GRM7: variants seen among roughly 807,000 people sequenced by gnomAD.
The protein encoded by GRM7 is glutamate metabotropic receptor 7.
In GRM7, 35 loss-of-function variants were observed where a neutral mutation model predicts 84.5. That is an observed-to-expected ratio of 0.41 (90% CI 0.32 to 0.55). The LOEUF (loss-of-function observed/expected upper bound fraction) is 0.55. Ranked by LOEUF, GRM7 falls within the 20% of genes least tolerant of loss-of-function variation. The probability of loss-of-function intolerance (pLI) is 0.19; values close to 1 mark genes in which losing one functional copy is unlikely to be tolerated. For missense variants in GRM7, 1,003 were observed against 1,194.6 expected, an observed-to-expected ratio of 0.84 and a Z score of 2.36; for synonymous variants, 487 against 455.1, an observed-to-expected ratio of 1.07 and a Z score of -0.89.
chr3:7,655,679 A>G (rs1226659055), intron 8 of GRM7, among the ~76,000 whole-genome samples: 1 of 152,140 alleles, frequency 6.6e-6, no homozygotes, highest in Non-Finnish European at 1.5e-5. Context: ...CCACCTTCAC[A>G]TAGGTTTGTC....
intron 1 of GRM7, among the ~76,000 whole-genome samples, chr3:7,128,265 A>T (rs1465421024): frequency 6.6e-6 from 1 of 151,774 alleles, no homozygotes; most frequent in East Asian, 1.9e-4. Context: ...TTTGCTTGAT[A>T]TTTTAGCTGG....
intron 7 of GRM7, among the ~76,000 whole-genome samples, chr3:7,554,270 C>A (rs1361462327): frequency 6.6e-6 from 1 of 152,166 alleles, no homozygotes; most frequent in East Asian, 1.9e-4. Flanking sequence ...TTTAAAGTAG[C>A]CACATCACAC....
At chr3:7,503,714 A>G (rs1173285350) in intron 7 of GRM7, among the ~76,000 whole-genome samples, 2 of 152,114 alleles carry the variant, frequency 1.3e-5, no homozygotes, top group Non-Finnish European at 2.9e-5. Context: ...TTGTTTTTTA[A>G]ATCCTCTGAA....
rs558549128 is a variant in GRM7 at position 7,632,423 on chromosome 3, G to A, written c.2452-47626G>A. ...TAAAGGAATAAAGAATAATGTTGAA[G>A]AGCCCCATCAATATGGGGAAATTAA... On this transcript the variant is annotated intron_variant, in intron 8 of 9. Transcript: ENST00000357716. 5.9e-5 allele frequency among the ~76,000 whole-genome samples: 9 copies of A among 152,270 alleles called. No individual in the cohort carries two copies. The East Asian group carries it at 1.7e-3, about 29-fold the overall frequency.
chr3:7,451,835 G>T (rs1450095), intron 5 of GRM7: 54,373 of 152,118 alleles, frequency 0.36, 11,067 homozygotes, highest in Non-Finnish European at 0.48. Flanking sequence ...TATCTACTGT[G>T]ACCAGTGAAA....
chr3:7,678,230 A>G (rs921906055), intron 8 of GRM7, among the ~76,000 whole-genome samples: 76 of 152,330 alleles, frequency 5.0e-4, no homozygotes, highest in African/African-American at 1.7e-3. Context: ...TGAAAAAAGA[A>G]AACATATGTG....
intron 5 of GRM7, among the ~76,000 whole-genome samples, chr3:7,447,620 G>C (rs923043069): frequency 2.0e-5 from 3 of 152,096 alleles, no homozygotes; most frequent in African/African-American, 7.2e-5. Flanking sequence ...AATGACTGGA[G>C]TAGTTGCGGG....
At chr3:7,562,422 G>C (rs1352672463) in intron 7 of GRM7, among the ~76,000 whole-genome samples, 1 of 151,872 alleles carries the variant, frequency 6.6e-6, no homozygotes, top group East Asian at 1.9e-4. Context: ...CAAATATAGA[G>C]TCATATTTGG....
chr3:7,355,963 T>C (rs1445182563), intron 4 of GRM7, among the ~76,000 whole-genome samples: 1 of 152,100 alleles, frequency 6.6e-6, no homozygotes, highest in Non-Finnish European at 1.5e-5. Context: ...CACCCAGAAG[T>C]CAACGCTGCA....
At chr3:6,978,760 A>T (rs1694091154) in intron 1 of GRM7, among the ~76,000 whole-genome samples, 1 of 152,162 alleles carries the variant, frequency 6.6e-6, no homozygotes, top group Non-Finnish European at 1.5e-5. Context: ...CCTAATTAAA[A>T]ATAATGGAGA....
intron 1 of GRM7, among the ~76,000 whole-genome samples, chr3:7,049,894 C>T (rs548872489): frequency 1.3e-4 from 20 of 151,856 alleles, no homozygotes; most frequent in Non-Finnish European, 1.9e-4. Context: ...ACTCAAGGAA[C>T]TGGAACCTAG....
intron 1 of GRM7, among the ~76,000 whole-genome samples, chr3:6,970,065 C>A (rs1693683208): frequency 6.6e-6 from 1 of 152,166 alleles, no homozygotes; most frequent in Non-Finnish European, 1.5e-5. Flanking sequence ...GTGAACTGGG[C>A]CAGAGGGTAC....
chr3:7,189,149 G>A (rs891429766), intron 2 of GRM7, among the ~76,000 whole-genome samples: 1 of 152,076 alleles, frequency 6.6e-6, no homozygotes, highest in Non-Finnish European at 1.5e-5. Context: ...TATATATTGA[G>A]ATACAAATGT....
intron 1 of GRM7, among the ~76,000 whole-genome samples, chr3:6,944,073 T>C (rs1697978256): frequency 6.6e-6 from 1 of 152,090 alleles, no homozygotes; most frequent in Non-Finnish European, 1.5e-5. Flanking sequence ...TTATAAACTT[T>C]TTTTGTGAAT....
At chr3:7,681,466 T>C (rs554559605) in intron 9 of GRM7, 1 of 152,382 alleles carries the variant, frequency 6.6e-6, no homozygotes, top group South Asian at 2.1e-4. Flanking sequence ...GGCCTGTCTC[T>C]ATTTATGAAT....
chr3:7,169,197 A>AT (rs202158956), intron 2 of GRM7, among the ~76,000 whole-genome samples: 165 of 151,060 alleles, frequency 1.1e-3, no homozygotes, highest in Non-Finnish European at 1.8e-3. Context: ...ATAGGGGTGC[A>AT]TTTTTTTTTG....
intron 7 of GRM7, among the ~76,000 whole-genome samples, chr3:7,467,457 G>C (rs1005445749): frequency 4.6e-5 from 7 of 152,120 alleles, no homozygotes; most frequent in African/African-American, 1.7e-4. Flanking sequence ...AAGTAATTCA[G>C]TTTAAGCCAA....
At chr3:7,077,700 A>G (rs1698142581) in intron 1 of GRM7, among the ~76,000 whole-genome samples, 3 of 152,190 alleles carry the variant, frequency 2.0e-5, no homozygotes, top group South Asian at 2.1e-4. Context: ...CTGCACATGT[A>G]CCCCAGAACT....
chr3:7,717,825 C>T (rs959631504), intron 9 of GRM7, among the ~76,000 whole-genome samples: 3 of 152,182 alleles, frequency 2.0e-5, no homozygotes, highest in Non-Finnish European at 4.4e-5. Flanking sequence ...TATGGACAAA[C>T]TCTGTTCTCT....
Sources: allele counts gnomAD v4.1 joint callset (sites outside exome capture counted in the v4.1 genomes callset), GRCh38; gene constraint gnomAD v4.1.1; transcripts MANE v1.5; gene names NCBI Gene and HGNC (gene_info 2026-07-23, HGNC 2026-07-21).